The following TENM3 variants were observed in gnomAD, a reference collection of about 807,000 sequenced individuals.
TENM3 encodes the protein teneurin transmembrane protein 3.
TENM3 carries 63 observed loss-of-function variants against 255.1 expected under a neutral mutation model. That is an observed-to-expected ratio of 0.25 (90% CI 0.20 to 0.30). The LOEUF (loss-of-function observed/expected upper bound fraction) is 0.30. Among genes scored for constraint, TENM3 ranks in the 10% least tolerant of loss-of-function variants. The pLI is 1.00. For synonymous variants in TENM3, 1,306 were observed against 1,322.3 expected (o/e 0.99, Z 0.27); for missense variants, 2,929 against 3,461.1 (o/e 0.85, Z 3.86).
chr4:182,789,520 C>T lies in TENM3; in HGVS notation c.5601+131C>T, dbSNP rs780717287. 27 of 887,248 alleles carry T rather than the reference C, an allele frequency of 3.0e-5. No individual in the cohort carries two copies. The highest frequency in any genetic ancestry group is 4.6e-5 in the Non-Finnish European group (27 of 589,892). 55.0% of individuals were successfully genotyped at this position (887,248 alleles called of 1,614,324 possible). A position where few individuals can be genotyped will look rare whatever the true frequency, so the allele number is the denominator to read the frequency against. ...CCATTTGTTATTCGAAGTATCAATACGGAAGTCACATTGGCACAGCAGTGA... is the reference window on the plus strand; with the variant it reads ...CCATTTGTTATTCGAAGTATCAATATGGAAGTCACATTGGCACAGCAGTGA... On this transcript the variant is annotated intron_variant, in intron 25 of 27. Transcript: ENST00000511685. The surrounding 1 kb of genome is among the most constrained non-coding windows in gnomAD (Gnocchi z 4.4).
intron 3 of TENM3, among the ~76,000 whole-genome samples, chr4:182,357,791 C>G (rs916822821): frequency 2.7e-5 from 4 of 150,102 alleles, no homozygotes; most frequent in East Asian, 2.0e-4. Flanking sequence ...AAGTCCTTGC[C>G]CATGCCTATG....
the TENM3 span, among the ~76,000 whole-genome samples, chr4:181,749,127 G>C: frequency 6.6e-6 from 1 of 151,892 alleles, no homozygotes; most frequent in Admixed American, 6.6e-5. Context: ...GAGATTTCTA[G>C]GAAGAAAATA....
At chr4:182,319,082 TTTTG>T (rs1762902792) in intron 1 of TENM3, among the ~76,000 whole-genome samples, 1 of 152,222 alleles carries the variant, frequency 6.6e-6, no homozygotes. Flanking sequence ...AAAAGGTTTC[TTTTG>T]TTTGTTTTTT....
In TENM3 at chr4:182,680,281, G is replaced by A; in HGVS notation, c.1571G>A (p.Gly524Glu). Residue 524 changes from glycine to glutamate, a missense_variant, in exon 9 of 28, where the codon GGA becomes GAA. Physicochemically the swap from Gly to Glu is moderately conservative, Grantham distance 98 (BLOSUM62 -2). Around this residue, in one of 6 missense-constraint regions of TENM3, gnomAD observed 1,608 missense variants for 1,884.4 expected, o/e 0.85. Coordinates refer to ENST00000511685, the MANE Select transcript of TENM3 (RefSeq NM_001080477.4). Reference sequence around the variant, plus strand: ...GTGGAATGTCCCCGAAATTGCCATGGAAATGGAGAATGCGTTTCTGGAACT... The same window carrying A: ...GTGGAATGTCCCCGAAATTGCCATGAAAATGGAGAATGCGTTTCTGGAACT... ...SVVECPRNCH[G>E]NGECVSGTCH... 1.2e-6 allele frequency: 2 copies of A among 1,613,834 alleles called. No individual in the cohort carries two copies. Among genetic ancestry groups the A allele is most frequent in the Middle Eastern group, 1.7e-4 (1 of 6,060 alleles).
At chr4:181,708,600 A>G in the TENM3 span, among the ~76,000 whole-genome samples, 2 of 151,600 alleles carry the variant, frequency 1.3e-5, no homozygotes, top group African/African-American at 2.4e-5. Context: ...TCCTAAAACC[A>G]ACACTCTATG....
At chr4:181,551,048 G>T in the TENM3 span, among the ~76,000 whole-genome samples, 642 of 152,246 alleles carry the variant, frequency 4.2e-3, 5 homozygotes, top group African/African-American at 0.015. Flanking sequence ...GAAGCACCTT[G>T]ATGGATTTTA....
intron 1 of TENM3, among the ~76,000 whole-genome samples, chr4:182,295,159 C>T (rs1432478419): frequency 2.6e-5 from 4 of 150,966 alleles, no homozygotes; most frequent in African/African-American, 9.8e-5. Flanking sequence ...ATTAAATTTC[C>T]TGGAAAGATA....
At chr4:181,989,451 T>TA in the TENM3 span, among the ~76,000 whole-genome samples, 8 of 151,666 alleles carry the variant, frequency 5.3e-5, no homozygotes, top group Middle Eastern at 3.4e-3. Flanking sequence ...TACAAACTGC[T>TA]AAAAAAAAAT....
intron 3 of TENM3, among the ~76,000 whole-genome samples, chr4:182,384,426 TACAA>T (rs1371457219): frequency 6.6e-6 from 1 of 152,138 alleles, no homozygotes; most frequent in Admixed American, 6.6e-5. Flanking sequence ...TATGTATGTT[TACAA>T]ACAAAGAGTA....
the TENM3 span, among the ~76,000 whole-genome samples, chr4:181,745,469 T>C: frequency 6.6e-6 from 1 of 152,208 alleles, no homozygotes; most frequent in African/African-American, 2.4e-5. Flanking sequence ...TTATATTTGT[T>C]AGGAATGATT....
chr4:182,234,588 C>T (rs1474534207), intron 1 of TENM3, among the ~76,000 whole-genome samples: 2 of 152,076 alleles, frequency 1.3e-5, no homozygotes, highest in Admixed American at 6.5e-5. Flanking sequence ...AAAAATTAGC[C>T]GGGCGTGGTG....
intron 3 of TENM3, among the ~76,000 whole-genome samples, chr4:182,596,083 A>G (rs189237751): frequency 1.6e-4 from 24 of 152,288 alleles, no homozygotes; most frequent in Non-Finnish European, 3.4e-4. Context: ...CAATCAGCAC[A>G]TTTTTGGGAG....
chr4:182,587,646 AGTGATC>A (rs1476833265), intron 3 of TENM3, among the ~76,000 whole-genome samples: 2 of 152,148 alleles, frequency 1.3e-5, no homozygotes, highest in Non-Finnish European at 2.9e-5. Context: ...CGTGGTCTCA[AGTGATC>A]TGCCCACCTC....
intron 3 of TENM3, among the ~76,000 whole-genome samples, chr4:182,440,000 T>C (rs1772338719): frequency 6.6e-6 from 1 of 152,146 alleles, no homozygotes. Flanking sequence ...CGTTTACTCA[T>C]TGCCTCTGAA....
At chr4:181,801,668 ATATATATATATATATATATATATATAT>A in the TENM3 span, among the ~76,000 whole-genome samples, 12 of 33,086 alleles carry the variant, frequency 3.6e-4, no homozygotes, top group African/African-American at 9.7e-4. Context: ...ATATATATAT[ATATATATATATATATATATATATATAT>A]ATGCAACAAT....
At chr4:182,727,312 C>T (rs1316834174) in intron 13 of TENM3, among the ~76,000 whole-genome samples, 1 of 152,060 alleles carries the variant, frequency 6.6e-6, no homozygotes, top group South Asian at 2.1e-4. Context: ...AAAAATTAGC[C>T]AGGCATGGTG....
chr4:181,830,947 A>G, the TENM3 span, among the ~76,000 whole-genome samples: 1 of 152,274 alleles, frequency 6.6e-6, no homozygotes, highest in South Asian at 2.1e-4. Context: ...ACTTTTTCCT[A>G]CAACTTCTCA....
At position 182,324,202 on chromosome 4, in the gene TENM3, A is replaced by G. The variant is rs1384788311; in HGVS notation, c.182A>G (p.Asn61Ser). 3 of 1,614,024 alleles carry G rather than the reference A, an allele frequency of 1.9e-6. No individual in the cohort carries two copies. The highest frequency in any genetic ancestry group is 1.7e-5 in the Admixed American group (1 of 60,028). ...GATTCCTCGCGGCTGCTTTACGGCA[A>G]CAGAGTGAAGGATTTGGTTCACAGA... ...DHDSSRLLYG[N>S]RVKDLVHREA... The change falls in exon 2 of 28, where the codon AAC becomes AGC. Residue 61 changes from asparagine (N) to serine (S), a missense_variant. This residue lies in a region of TENM3 where 283 missense variants were observed against 256.9 expected (regional missense o/e 1.10). Transcript: ENST00000511685.
chr4:181,683,165 A>G, the TENM3 span, among the ~76,000 whole-genome samples: 3 of 152,158 alleles, frequency 2.0e-5, no homozygotes, highest in South Asian at 2.1e-4. Context: ...TAATATCCCT[A>G]ATGTATATTG....
Sources: allele counts gnomAD v4.1 joint callset (sites outside exome capture counted in the v4.1 genomes callset), GRCh38; gene constraint gnomAD v4.1.1; regional missense constraint gnomAD v4.1.1; non-coding constraint Gnocchi (gnomAD v3.1); transcripts MANE v1.5; gene names NCBI Gene and HGNC (gene_info 2026-07-23, HGNC 2026-07-21).